The following DDX59 variants were observed in gnomAD, a reference collection of about 807,000 sequenced individuals.
DDX59 encodes the protein DEAD-box helicase 59, also known as probable ATP-dependent RNA helicase DDX59.
DDX59 carries 30 observed loss-of-function variants against 51.9 expected under a neutral mutation model. That is an observed-to-expected ratio of 0.58 (90% CI 0.43 to 0.78). The LOEUF (loss-of-function observed/expected upper bound fraction) is 0.78, where lower values mean the gene tolerates loss of function less well. DDX59 is among the 30% of genes least tolerant of loss of function. DDX59 has a pLI of 0.00. For synonymous variants in DDX59, 255 were observed against 253.3 expected, an observed-to-expected ratio of 1.01 and a Z score of -0.06; for missense variants, 672 against 730.8, an observed-to-expected ratio of 0.92 and a Z score of 0.93.
At position 200,658,084 on chromosome 1, in the gene DDX59, G is replaced by A. The variant is rs1662147215; in HGVS notation, c.1062+943C>T. On this transcript the variant is annotated intron_variant, in intron 4 of 7. Transcript: ENST00000331314. Reference sequence around the variant, plus strand: ...CTACTGCTACTTACTGGGGCCCATGGAAGGCAGGCTAAGACACTATCCTGG... The same window carrying A: ...CTACTGCTACTTACTGGGGCCCATGAAAGGCAGGCTAAGACACTATCCTGG... 2.6e-5 allele frequency among the ~76,000 whole-genome samples: 4 copies of A among 152,192 alleles called. No individual in the cohort carries two copies. The South Asian group carries it at 8.3e-4, about 32-fold the overall frequency.
Position 200,649,136 on chromosome 1 carries a change from C to G in DDX59, c.1405G>C (p.Gly469Arg). 1 of 1,594,184 alleles carries G rather than the reference C, an allele frequency of 6.3e-7. No individual in the cohort carries two copies. Among genetic ancestry groups the G allele is most frequent in the African/African-American group, 1.4e-5 (1 of 73,526 alleles). The part of the protein sequence containing the change: ...LLSEAVQKIT[G>R]LKSISIHSEK... Reference sequence around the variant, plus strand: ...GAATGTATAGATATGCTTTTCAGCCCTGTGATTTTCTGAACGGCTTCACTC... The same window carrying G: ...GAATGTATAGATATGCTTTTCAGCCGTGTGATTTTCTGAACGGCTTCACTC... The change falls in exon 6 of 8, where the codon GGG becomes CGG. Residue 469 changes from glycine (G) to arginine (R), a missense_variant. Coordinates refer to ENST00000331314, the MANE Select transcript of DDX59 (RefSeq NM_001031725.6).
rs372300104 is a variant in DDX59 at position 200,666,363 on chromosome 1, C to T, written c.378G>A (p.Val126=). 5 of 1,614,234 alleles carry T rather than the reference C, an allele frequency of 3.1e-6. No individual in the cohort carries two copies. The highest frequency in any genetic ancestry group is 1.1e-5 in the South Asian group (1 of 91,086). ...EYICDKTDED[V]CSLECKAKHL... ...GTTTCGCTTTACACTCCAAACTACACACATCTTCATCTGTCTTATCACAGA... is the reference window on the plus strand; with the variant it reads ...GTTTCGCTTTACACTCCAAACTACATACATCTTCATCTGTCTTATCACAGA... Residue 126 remains valine (V), a synonymous_variant, in exon 2 of 8, where the codon GTG becomes GTA. Transcript: ENST00000331314.
downstream of DDX59, among the ~76,000 whole-genome samples, chr1:200,642,751 T>A (rs1002105579): frequency 6.6e-6 from 1 of 152,218 alleles, no homozygotes; most frequent in Non-Finnish European, 1.5e-5. Flanking sequence ...CATATGCAAC[T>A]GCGCTTAACT....
At chr1:200,650,866 G>C (rs1661616766) in intron 4 of DDX59, among the ~76,000 whole-genome samples, 190 bp from the exon 5 acceptor site, 1 of 152,108 alleles carries the variant, frequency 6.6e-6, no homozygotes, top group African/African-American at 2.4e-5. Context: ...TGTTTACAAT[G>C]ATATACAAAG....
chr1:200,662,626 A>C (rs1443463190), intron 3 of DDX59, among the ~76,000 whole-genome samples: 1 of 152,250 alleles, frequency 6.6e-6, no homozygotes, highest in Non-Finnish European at 1.5e-5. Flanking sequence ...ACTGCACTCC[A>C]GCCTGGGCAA....
chr1:200,650,831 C>T (rs1248431033), intron 4 of DDX59, among the ~76,000 whole-genome samples, 155 bp from the exon 5 acceptor site: 2 of 152,076 alleles, frequency 1.3e-5, no homozygotes. Context: ...TATGTTTATA[C>T]TAAATTATAA....
At chr1:200,641,631 G>C (rs1661052857), downstream of DDX59, among the ~76,000 whole-genome samples, 1 of 152,334 alleles carries the variant, frequency 6.6e-6, no homozygotes, top group African/African-American at 2.4e-5. Context: ...CACCATGGGA[G>C]GCCAAGGTGG....
At chr1:200,667,806 AATAT>A (rs139382495) in intron 1 of DDX59, among the ~76,000 whole-genome samples, 1 of 151,456 alleles carries the variant, frequency 6.6e-6, no homozygotes, top group African/African-American at 2.4e-5. Context: ...AGCATTGCCT[AATAT>A]ATATATATAC....
chr1:200,650,611 A>G lies in DDX59; in HGVS notation c.1128T>C (p.Asn376=), dbSNP rs1661597837. 1 of 1,614,088 alleles carries G rather than the reference A, an allele frequency of 6.2e-7. No homozygotes were observed. The highest frequency in any genetic ancestry group is 8.5e-7 in the Non-Finnish European group (1 of 1,179,960). ...CTGAAACCAAAATGGTCTGACAATCATTAGGAATGTTTTCCAAAATGTCAA... is the reference window on the plus strand; with the variant it reads ...CTGAAACCAAAATGGTCTGACAATCGTTAGGAATGTTTTCCAAAATGTCAA... ...QVLDILENIP[N]DCQTILVSAT... The change falls in exon 5 of 8, where the codon AAT becomes AAC. Residue 376 remains asparagine (N), a synonymous_variant. Coordinates refer to ENST00000331314, the MANE Select transcript of DDX59 (RefSeq NM_001031725.6).
chr1:200,650,480 A>G lies in DDX59; in HGVS notation c.1259T>C (p.Ile420Thr). The change falls in exon 5 of 8, where the codon ATT (isoleucine) becomes ACT (threonine). Residue 420 changes from isoleucine (I) to threonine (T), a missense_variant. Transcript: ENST00000331314. Reference protein sequence around the residue: ...KNLPCANVRQIILWVEDPAKK... With the variant: ...KNLPCANVRQTILWVEDPAKK... ...GGCTGGGTCTTCTACCCACAAAATA[A>G]TCTGACGTACATTGGCACAAGGTAG... is the stretch of plus-strand genomic sequence containing the variant. 2 of 1,613,976 alleles carry G rather than the reference A, an allele frequency of 1.2e-6. No individual in the cohort carries two copies. The highest frequency in any genetic ancestry group is 1.1e-5 in the South Asian group (1 of 91,056).
At position 200,644,155 on chromosome 1, in the gene DDX59, C is replaced by A; in HGVS notation, c.*99G>T. The A allele has an allele frequency of 1.0e-6, 1 of 955,726 alleles. No individual in the cohort carries two copies. The highest frequency in any genetic ancestry group is 1.4e-6 in the Non-Finnish European group (1 of 738,110). 59.2% of individuals were successfully genotyped at this position (955,726 alleles called of 1,614,324 possible). On this transcript the variant is annotated 3_prime_UTR_variant, in exon 8 of 8. Coordinates refer to ENST00000331314, the MANE Select transcript of DDX59 (RefSeq NM_001031725.6). ...ATAAATTTTATTAAATTAAAAATAT[C>A]TTAAAATTTTTAAAATTCATGTACA... is the stretch of plus-strand genomic sequence containing the variant.
chr1:200,646,649 GGC>G (rs1661312132), intron 7 of DDX59, among the ~76,000 whole-genome samples: 1 of 152,224 alleles, frequency 6.6e-6, no homozygotes, highest in Non-Finnish European at 1.5e-5. Flanking sequence ...ATAAGCCGCA[GGC>G]GAGAATGTAA....
At chr1:200,647,249 G>A (rs985186183) in intron 7 of DDX59, among the ~76,000 whole-genome samples, 7 of 152,178 alleles carry the variant, frequency 4.6e-5, no homozygotes, top group African/African-American at 1.7e-4. Context: ...GCAGCGCTAA[G>A]AGAAGGCTCT....
downstream of DDX59, among the ~76,000 whole-genome samples, chr1:200,641,688 G>GTGAA (rs1372169967): frequency 6.6e-6 from 1 of 152,142 alleles, no homozygotes; most frequent in Non-Finnish European, 1.5e-5. Flanking sequence ...GGCCAACATG[G>GTGAA]TGAAACCTCA....
chr1:200,642,169 A>G (rs1291242664), downstream of DDX59, among the ~76,000 whole-genome samples: 1 of 152,234 alleles, frequency 6.6e-6, no homozygotes, highest in Admixed American at 6.5e-5. Context: ...ATCTGGCAAT[A>G]AAGCAACCAA....
chr1:200,649,299 T>C (rs1027651371), intron 5 of DDX59, 73 bp from the exon 6 acceptor site: 4 of 1,353,160 alleles, frequency 3.0e-6, no homozygotes, highest in Non-Finnish European at 4.0e-6. Context: ...TTCTGAAAGA[T>C]TATCACAAGC....
Position 200,648,575 on chromosome 1 carries a change from A to G in DDX59, c.1468-8T>C, listed in dbSNP as rs1558115276. On this transcript the variant is annotated splice_region_variant and splice_polypyrimidine_tract_variant and intron_variant, in intron 6 of 7. Transcript: ENST00000331314. ...GTCTCCTTCAAGTAATCCCTTTCCA[A>G]AAAAGCAACAAAATTTATTATTCAG... 1 of 1,601,150 alleles carries G rather than the reference A, an allele frequency of 6.2e-7. No homozygotes were observed. The highest frequency in any genetic ancestry group is 1.7e-4 in the Middle Eastern group (1 of 6,002).
At position 200,669,849 on chromosome 1, in the gene DDX59, G is replaced by C. The variant is rs1004325914; in HGVS notation, c.-94C>G. The C allele has an allele frequency of 3.3e-5, 5 of 152,544 alleles. No individual in the cohort carries two copies. Among genetic ancestry groups the C allele is most frequent in the Admixed American group, 3.3e-4 (5 of 15,292 alleles). 9.4% of individuals were successfully genotyped at this position (152,544 alleles called of 1,614,324 possible). A position where few individuals can be genotyped will look rare whatever the true frequency, so the allele number is the denominator to read the frequency against. ...CAGGCTCCAGGCCAGGCTTCCGCCC[G>C]ACAAGCCCTGACCCGCTCGTCAGGA... On this transcript the variant is annotated 5_prime_UTR_variant, in exon 1 of 8. Coordinates refer to ENST00000331314, the MANE Select transcript of DDX59 (RefSeq NM_001031725.6).
chr1:200,654,445 A>T (rs944379255), intron 4 of DDX59: 9 of 152,030 alleles, frequency 5.9e-5, no homozygotes, highest in Non-Finnish European at 8.8e-5. Flanking sequence ...GATCACCTGG[A>T]ATGAGTTTGT....
Sources: gnomAD v4.1 joint callset for allele counts (sites outside exome capture counted in the v4.1 genomes callset) on GRCh38, gnomAD v4.1.1 for gene constraint, MANE v1.5 for transcripts, NCBI Gene and HGNC (gene_info 2026-07-23, HGNC 2026-07-21) for gene names.